Variants in USP46 observed in about 807,000 individuals in gnomAD.
USP46 encodes ubiquitin carboxyl-terminal hydrolase 46.
A neutral mutation model predicts 44.4 loss-of-function variants in USP46; 12 were observed. The ratio of observed to expected loss-of-function variants is 0.27; its 90% CI spans 0.17 to 0.44. The LOEUF (loss-of-function observed/expected upper bound fraction) is 0.44. Ranked by LOEUF, USP46 falls within the 20% of genes least tolerant of loss-of-function variation. The pLI is 1.00. For synonymous variants in USP46, 155 were observed against 161.5 expected, an observed-to-expected ratio of 0.96 and a Z score of 0.31; for missense variants, 248 against 444.8, an observed-to-expected ratio of 0.56 and a Z score of 3.98.
chr4:52,627,400 C>T (rs1298526624), intron 3 of USP46, among the ~76,000 whole-genome samples: 1 of 152,216 alleles, frequency 6.6e-6, no homozygotes, highest in Non-Finnish European at 1.5e-5. Flanking sequence ...CTAGTTTCTA[C>T]TACCAATCCC....
chr4:52,599,044 C>T (rs1437504854), intron 7 of USP46, among the ~76,000 whole-genome samples: 1 of 152,178 alleles, frequency 6.6e-6, no homozygotes, highest in African/African-American at 2.4e-5. Context: ...ACAAAGACCC[C>T]ACTTACTTAG....
intron 1 of USP46, among the ~76,000 whole-genome samples, chr4:52,650,404 A>T (rs1409884854): frequency 1.3e-5 from 2 of 152,266 alleles, no homozygotes; most frequent in Non-Finnish European, 2.9e-5. Context: ...GAATTCATAA[A>T]TACAAAGTAA....
At chr4:52,607,663 A>C (rs1198218398) in intron 5 of USP46, among the ~76,000 whole-genome samples, 3 of 152,172 alleles carry the variant, frequency 2.0e-5, no homozygotes, top group African/African-American at 4.8e-5. Flanking sequence ...CAGAATTCTC[A>C]TGAGTGGTTT....
chr4:52,658,418 C>A, intron 1 of USP46: 1 of 369,706 alleles, frequency 2.7e-6, no homozygotes, highest in Non-Finnish European at 5.5e-6. Flanking sequence ...TACAGCGGAT[C>A]AGGCAGGATA....
chr4:52,625,003 C>T (rs187734711), intron 4 of USP46, among the ~76,000 whole-genome samples: 158 of 152,314 alleles, frequency 1.0e-3, no homozygotes, highest in African/African-American at 3.7e-3. Context: ...GACTAAGACA[C>T]AGGCTCTTTG....
intron 4 of USP46, among the ~76,000 whole-genome samples, chr4:52,611,413 A>C (rs760662840): frequency 1.3e-4 from 20 of 152,216 alleles, no homozygotes; most frequent in Non-Finnish European, 2.5e-4. Flanking sequence ...CTGGGGTTTT[A>C]CTGTCTTGTT....
intron 4 of USP46, among the ~76,000 whole-genome samples, chr4:52,625,531 T>A (rs1276412844): frequency 6.6e-6 from 1 of 152,154 alleles, no homozygotes; most frequent in Non-Finnish European, 1.5e-5. Flanking sequence ...ACACATAAGC[T>A]CATCCAACCC....
At chr4:52,618,706 C>A (rs1421936137) in intron 4 of USP46, among the ~76,000 whole-genome samples, 3 of 152,144 alleles carry the variant, frequency 2.0e-5, no homozygotes, top group African/African-American at 7.2e-5. Flanking sequence ...AAAAGGTACC[C>A]AATGGTGGGC....
Position 52,627,950 on chromosome 4 carries a change from C to G in USP46, c.331G>C (p.Asp111His), listed in dbSNP as rs1409515061. The change falls in exon 3 of 9, where the codon GAT becomes CAT. Residue 111 changes from aspartate (D) to histidine (H), a missense_variant and splice_region_variant. By Grantham distance (81) the Asp-to-His change is moderately conservative. This residue lies in a region of USP46 where 54 missense variants were observed against 135.0 expected (regional missense o/e 0.40). Coordinates refer to ENST00000441222, the MANE Select transcript of USP46 (RefSeq NM_022832.4). ...ATACATTATACTGCATACTACTCAC[C>G]ATTCTCTTTTCTCAGCCTTGAAATG... is the stretch of plus-strand genomic sequence containing the variant. Reference protein sequence around the residue: ...KFISRLRKENDLFDNYMQQDA... With the variant: ...KFISRLRKENHLFDNYMQQDA... 2 of 1,611,880 alleles carry G rather than the reference C, an allele frequency of 1.2e-6. No homozygotes were observed. The highest frequency in any genetic ancestry group is 2.2e-5 in the East Asian group (1 of 44,846).
chr4:52,606,266 G>A (rs1328793079), intron 5 of USP46, among the ~76,000 whole-genome samples: 1 of 152,232 alleles, frequency 6.6e-6, no homozygotes, highest in Non-Finnish European at 1.5e-5. Context: ...TCCTGAGAGA[G>A]AACACTGCAG....
chr4:52,658,974 A>T, intron 1 of USP46, 141 bp downstream of exon 1: 1 of 1,022,104 alleles, frequency 9.8e-7, no homozygotes, highest in Non-Finnish European at 1.3e-6. Flanking sequence ...CCGCGCGCCC[A>T]GCTCGGGGGC....
At chr4:52,642,567 C>T (rs1307859268) in intron 1 of USP46, among the ~76,000 whole-genome samples, 1 of 152,198 alleles carries the variant, frequency 6.6e-6, no homozygotes, top group Non-Finnish European at 1.5e-5. Flanking sequence ...CCTTCTGAAG[C>T]ACCCCTTGAA....
chr4:52,657,821 G>A (rs1387933247), intron 1 of USP46, among the ~76,000 whole-genome samples: 2 of 152,236 alleles, frequency 1.3e-5, no homozygotes, highest in Non-Finnish European at 2.9e-5. Context: ...CGTGACAGTG[G>A]CACGTCCCAT....
chr4:52,653,840 GA>G (rs914069491), intron 1 of USP46, among the ~76,000 whole-genome samples: 17 of 151,486 alleles, frequency 1.1e-4, no homozygotes, highest in Admixed American at 3.9e-4. Flanking sequence ...CCAGGAGGGG[GA>G]AAAAAAAGAC....
chr4:52,627,829 T>C, intron 3 of USP46, 121 bp downstream of exon 3: 4 of 1,074,610 alleles, frequency 3.7e-6, no homozygotes, highest in South Asian at 3.7e-5. Context: ...TGACACCGAG[T>C]AGTTAACCAT....
At chr4:52,655,727 T>C (rs1237471972) in intron 1 of USP46, among the ~76,000 whole-genome samples, 1 of 152,228 alleles carries the variant, frequency 6.6e-6, no homozygotes, top group East Asian at 1.9e-4. Context: ...CAAGCTTTAC[T>C]ATCTCTGAAC....
chr4:52,640,433 G>A (rs976384598), intron 1 of USP46, among the ~76,000 whole-genome samples: 2 of 152,162 alleles, frequency 1.3e-5, no homozygotes, highest in Non-Finnish European at 2.9e-5. Context: ...AGTAGGCCTA[G>A]AAGAAGAGGA....
At chr4:52,602,656 T>G (rs2109595772) in intron 6 of USP46, among the ~76,000 whole-genome samples, 1 of 152,296 alleles carries the variant, frequency 6.6e-6, no homozygotes, top group South Asian at 2.1e-4. Context: ...AGGGCTACAT[T>G]TCACAAACTG....
intron 4 of USP46, among the ~76,000 whole-genome samples, chr4:52,611,810 G>A (rs1716941482): frequency 6.6e-6 from 1 of 152,164 alleles, no homozygotes; most frequent in South Asian, 2.1e-4. Context: ...AGAATCGCTT[G>A]AAGCTGTGAG....
Sources: allele counts gnomAD v4.1 joint callset (sites outside exome capture counted in the v4.1 genomes callset), GRCh38; gene constraint gnomAD v4.1.1; regional missense constraint gnomAD v4.1.1; transcripts MANE v1.5; gene names NCBI Gene and HGNC (gene_info 2026-07-23, HGNC 2026-07-21).